DIP2A: variants seen among roughly 807,000 people sequenced by gnomAD.
The protein encoded by DIP2A is DIP2 acetate--CoA ligase A.
DIP2A carries 85 observed loss-of-function variants against 177.4 expected under a neutral mutation model. The observed-to-expected ratio is 0.48, with a 90% CI of 0.40 to 0.57. The LOEUF is 0.57. Ranked by LOEUF, DIP2A falls within the 20% of genes least tolerant of loss-of-function variation. The probability of loss-of-function intolerance (pLI) is 0.00; values close to 1 mark genes in which losing one functional copy is unlikely to be tolerated. For missense variants in DIP2A, 1,791 were observed against 2,100.2 expected (o/e 0.85, Z 2.88); for synonymous variants, 886 against 881.8 (o/e 1.00, Z -0.08).
the DIP2A span, among the ~76,000 whole-genome samples, chr21:46,576,583 A>G: frequency 6.7e-6 from 1 of 149,706 alleles, no homozygotes; most frequent in Admixed American, 6.6e-5. Context: ...TGCAATGAAC[A>G]TACATGTGCA....
chr21:46,484,625 T>C, intron 1 of DIP2A, 132 bp from the exon 2 acceptor site: 1 of 729,214 alleles, frequency 1.4e-6, no homozygotes, highest in Non-Finnish European at 2.2e-6. Context: ...ATGGGTCCAT[T>C]ATAGTTTATT....
At chr21:46,558,095 C>T (rs1293143633) in intron 31 of DIP2A, 128 bp from the exon 32 acceptor site, 2 of 965,572 alleles carry the variant, frequency 2.1e-6, no homozygotes, top group East Asian at 5.3e-5. Flanking sequence ...CAGACACAGC[C>T]TGCGGAGAGG....
At chr21:46,562,687 G>C (rs576198593) in intron 34 of DIP2A, among the ~76,000 whole-genome samples, 1 of 152,224 alleles carries the variant, frequency 6.6e-6, no homozygotes, top group Admixed American at 6.5e-5. Context: ...GAAGGAGTGC[G>C]TGAGTGAGTG....
chr21:46,468,181 T>C lies in DIP2A; in HGVS notation c.91+8959T>C, dbSNP rs547291997. ...CTCGGGAGACTGAGGCAGGAGAATC[T>C]CTTGAACCCAGGAGCCGGAGGCTGC... On this transcript the variant is annotated intron_variant, in intron 1 of 37. Transcript: ENST00000417564. Among the ~76,000 whole-genome samples, 4 of 149,602 alleles carry C rather than the reference T, an allele frequency of 2.7e-5. No individual in the cohort carries two copies. In the South Asian group the frequency reaches 8.4e-4, roughly 31 times the overall value.
chr21:46,467,189 G>A (rs867017937), intron 1 of DIP2A, among the ~76,000 whole-genome samples: 24 of 151,540 alleles, frequency 1.6e-4, no homozygotes, highest in South Asian at 4.2e-4. Flanking sequence ...CCAGCTGCTC[G>A]GGAGGCTGAG....
intron 1 of DIP2A, among the ~76,000 whole-genome samples, chr21:46,472,831 G>A (rs1025099212): frequency 6.6e-6 from 1 of 152,154 alleles, no homozygotes; most frequent in African/African-American, 2.4e-5. Context: ...AGGTGACCAA[G>A]AGTAAGGCAG....
intron 21 of DIP2A, among the ~76,000 whole-genome samples, chr21:46,548,565 G>A (rs183520730): frequency 1.6e-3 from 241 of 152,286 alleles, no homozygotes; most frequent in Non-Finnish European, 2.7e-3. Context: ...ATTGTTCAAA[G>A]AACACAGTAG....
chr21:46,478,565 A>G lies in DIP2A; in HGVS notation c.92-6192A>G, dbSNP rs542517112. On this transcript the variant is annotated intron_variant, in intron 1 of 37. Transcript: ENST00000417564. ...CTTGTGATCCACTTGGAGAGAAATT[A>G]CACTTCACAGTATTGAGTCTTCAGA... Among the ~76,000 whole-genome samples the G allele has an allele frequency of 2.6e-5, 4 of 152,206 alleles. No homozygotes were observed. In the South Asian group the frequency reaches 6.2e-4, roughly 24 times the overall value.
chr21:46,461,279 A>AAAAAAAAAAAAAAAAAAAAAAAG (rs2054286165), intron 1 of DIP2A, among the ~76,000 whole-genome samples: 1 of 147,920 alleles, frequency 6.8e-6, no homozygotes, highest in Non-Finnish European at 1.5e-5. Context: ...ACCAAAAAAA[A>AAAAAAAAAAAAAAAAAAAAAAAG]AAAAAAAAAA....
At chr21:46,549,098 C>T (rs182005029) in intron 21 of DIP2A, among the ~76,000 whole-genome samples, 8 of 152,232 alleles carry the variant, frequency 5.3e-5, no homozygotes, top group Non-Finnish European at 1.0e-4. Context: ...AAGGAGAACT[C>T]AGTACTAGGT....
At chr21:46,461,166 T>G (rs868109406) in intron 1 of DIP2A, among the ~76,000 whole-genome samples, 1 of 148,728 alleles carries the variant, frequency 6.7e-6, no homozygotes. Context: ...GGCATGGTGG[T>G]GTGCACCTGT....
chr21:46,467,295 C>CAAA lies in DIP2A; in HGVS notation c.91+8090_91+8092dup, dbSNP rs527776306. On this transcript the variant is annotated intron_variant, in intron 1 of 37. Transcript: ENST00000417564. The stretch of plus-strand genomic sequence containing the variant: ...TGGGCTACAGAGCGAGACTCCGTCT[C>CAAA]AAAAAAAAAAAAAAAAAAATTTAAA... 2.8e-3 allele frequency among the ~76,000 whole-genome samples: 321 copies of CAAA among 113,108 alleles called. 1 individual carries two copies. Among genetic ancestry groups the CAAA allele is most frequent in the African/African-American group, 4.9e-3 (151 of 30,716 alleles). 74.2% of individuals were successfully genotyped at this position (113,108 alleles called of 152,430 possible). A position where few individuals can be genotyped will look rare whatever the true frequency, so the allele number is the denominator to read the frequency against.
At chr21:46,543,846 G>A (rs1951762118) in intron 18 of DIP2A, among the ~76,000 whole-genome samples, 1 of 152,206 alleles carries the variant, frequency 6.6e-6, no homozygotes, top group South Asian at 2.1e-4. Flanking sequence ...CATCAGCCAA[G>A]CACCACCTTC....
At position 46,556,409 on chromosome 21, in the gene DIP2A, C is replaced by G; in HGVS notation, c.3498+318C>G. The G allele has an allele frequency of 7.5e-7, 1 of 1,337,486 alleles. No homozygotes were observed. Among genetic ancestry groups the G allele is most frequent in the Non-Finnish European group, 9.9e-7 (1 of 1,010,672 alleles). The allele number at this position is 1,337,486 out of a possible 1,614,324, so 82.9% of individuals were successfully genotyped here. On this transcript the variant is annotated intron_variant, in intron 29 of 37. Transcript: ENST00000417564. The surrounding 1 kb of genome is among the most constrained non-coding windows in gnomAD (Gnocchi z 4.5). ...CTCAATTAAAATTTTTCAGGCGGGG[C>G]GTGGTGGCTCACGCCTGTAATCCCA... is the stretch of plus-strand genomic sequence containing the variant.
At chr21:46,464,824 T>A (rs1429590445) in intron 1 of DIP2A, among the ~76,000 whole-genome samples, 1 of 75,236 alleles carries the variant, frequency 1.3e-5, no homozygotes. Flanking sequence ...TGTCTTTTTT[T>A]TTTTTTTTTT....
chr21:46,538,656 A>G (rs2059674085), intron 16 of DIP2A, 54 bp downstream of exon 16: 1 of 1,534,526 alleles, frequency 6.5e-7, no homozygotes, highest in Non-Finnish European at 8.8e-7. Flanking sequence ...CCTCCTGCAA[A>G]CCAAAGTAGA....
At chr21:46,471,718 C>T (rs1601362237) in intron 1 of DIP2A, among the ~76,000 whole-genome samples, 1 of 152,192 alleles carries the variant, frequency 6.6e-6, no homozygotes, top group African/African-American at 2.4e-5. Context: ...GTCTCCCTTC[C>T]CTTTTCACAC....
Position 46,511,560 on chromosome 21 carries a change from C to T in DIP2A, c.1048C>T (p.Pro350Ser). Reference protein sequence around the residue: ...QRWGTTQPKSPCLTALDTTGK... With the variant: ...QRWGTTQPKSSCLTALDTTGK... ...CTGGGGCACAACACAGCCCAAATCC[C>T]CCTGTCTGACTGCCTTGGATACAAC... The change falls in exon 8 of 38, where the codon CCC becomes TCC. Residue 350 changes from proline to serine, a missense_variant. Coordinates refer to ENST00000417564, the MANE Select transcript of DIP2A (RefSeq NM_015151.4). 1 of 1,593,020 alleles carries T rather than the reference C, an allele frequency of 6.3e-7. No individual in the cohort carries two copies. Among genetic ancestry groups the T allele is most frequent in the Non-Finnish European group, 8.5e-7 (1 of 1,170,518 alleles).
intron 6 of DIP2A, 36 bp from the exon 7 acceptor site, chr21:46,509,221 C>T: frequency 6.3e-7 from 1 of 1,594,704 alleles, no homozygotes; most frequent in Non-Finnish European, 8.5e-7. Context: ...TCAGATGTGT[C>T]CTGGCCTCAG....
Sources: allele counts gnomAD v4.1 joint callset (sites outside exome capture counted in the v4.1 genomes callset), GRCh38; gene constraint gnomAD v4.1.1; non-coding constraint Gnocchi (gnomAD v3.1); transcripts MANE v1.5; gene names NCBI Gene and HGNC (gene_info 2026-07-23, HGNC 2026-07-21).